Variants in NPM2 observed in about 807,000 individuals in gnomAD.
The protein encoded by NPM2 is nucleophosmin/nucleoplasmin 2.
NPM2 carries 25 observed loss-of-function variants against 32.0 expected under a neutral mutation model. The observed-to-expected ratio is 0.78, with a 90% CI of 0.57 to 1.09. NPM2 has a LOEUF of 1.09. NPM2 is among the 50% of genes least tolerant of loss of function. The pLI is 0.00. For synonymous variants in NPM2, 111 were observed against 94.2 expected (o/e 1.18, Z -1.04); for missense variants, 282 against 259.9 (o/e 1.08, Z -0.58).
At position 22,025,166 on chromosome 8, in the gene NPM2, C is replaced by A. The variant is rs536958041; in HGVS notation, c.-33-50C>A. ...CTGCTGGTCTCTGGCATCCTCCAGT[C>A]GAGGGTCAGGGTCAGGGAGCAAGGC... On this transcript the variant is annotated intron_variant, in intron 2 of 9. Transcript: ENST00000518119. 2.7e-6 allele frequency: 4 copies of A among 1,475,568 alleles called. No homozygotes were observed. The South Asian group carries it at 5.0e-5, about 18-fold the overall frequency. The allele number at this position is 1,475,568 out of a possible 1,614,324, so 91.4% of individuals were successfully genotyped here.
chr8:22,025,769 C>G lies in NPM2; in HGVS notation c.267C>G (p.Pro89=), dbSNP rs1421542613. Residue 89 remains proline (P), a synonymous_variant, in exon 5 of 10, where the codon CCC becomes CCG. Coordinates refer to ENST00000518119, the MANE Select transcript of NPM2 (RefSeq NM_001286680.2). ...TIASLQASVL[P]MVSMVGVQLS... ...CCTCACTCCAGGCCTCAGTCCTCCC[C>G]ATGGTGCGCATTTCCCTGCTGGCTG... is the stretch of plus-strand genomic sequence containing the variant. The G allele has an allele frequency of 3.1e-5, 50 of 1,614,036 alleles. No individual in the cohort carries two copies. The highest frequency in any genetic ancestry group is 4.1e-5 in the Non-Finnish European group (48 of 1,180,002).
Position 22,025,504 on chromosome 8 carries a change from A to T in NPM2, c.127A>T (p.Arg43Trp). The change falls in exon 4 of 10, where the codon AGG (arginine) becomes TGG (tryptophan). Residue 43 changes from arginine (R) to tryptophan (W), a missense_variant. Arg to Trp is a moderately radical substitution (Grantham distance 101, BLOSUM62 -3). Transcript: ENST00000518119. ...CCAGCTGGAGGGGAAGCAGAGCTGC[A>T]GGCTGTTGCTTCATACGGTAGGTGT... ...RPQLEGKQSC[R>W]LLLHTICLGE... 6.2e-7 allele frequency: 1 copy of T among 1,614,140 alleles called. No individual in the cohort carries two copies. Among genetic ancestry groups the T allele is most frequent in the Non-Finnish European group, 8.5e-7 (1 of 1,179,998 alleles).
chr8:22,030,872 T>C (rs1418698436), intron 5 of NPM2, among the ~76,000 whole-genome samples: 1 of 152,148 alleles, frequency 6.6e-6, no homozygotes, highest in Non-Finnish European at 1.5e-5. Flanking sequence ...TAGATCAGTG[T>C]TCTAAGTTCT....
At chr8:22,031,766 A>T (rs1225239538) in intron 5 of NPM2, among the ~76,000 whole-genome samples, 1 of 152,216 alleles carries the variant, frequency 6.6e-6, no homozygotes, top group Non-Finnish European at 1.5e-5. Flanking sequence ...TGAGTTTTGA[A>T]GCAAAAAGTC....
chr8:22,025,559 G>A (rs1189628293), intron 4 of NPM2, 38 bp downstream of exon 4: 1 of 1,613,428 alleles, frequency 6.2e-7, no homozygotes, highest in Non-Finnish European at 8.5e-7. Context: ...GATGGTGTCC[G>A]GGAACTTTCT....
intron 5 of NPM2, among the ~76,000 whole-genome samples, chr8:22,031,961 C>T (rs1021754171): frequency 1.3e-5 from 2 of 152,220 alleles, no homozygotes; most frequent in African/African-American, 2.4e-5. Flanking sequence ...GAATTACATC[C>T]TCTCTGGCAT....
rs1800490672 is a variant in NPM2 at position 22,033,034 on chromosome 8, G to C, written c.271-96G>C. On this transcript the variant is annotated intron_variant, in intron 5 of 9. Transcript: ENST00000518119. ...AGGGGCTGAGTAGTGTGTAGGGTTT[G>C]GGGAGGGAAATCAACTCAGTATTTC... 3 of 873,856 alleles carry C rather than the reference G, an allele frequency of 3.4e-6. No individual in the cohort carries two copies. The East Asian group carries it at 7.4e-5, about 22-fold the overall frequency. 54.1% of individuals were successfully genotyped at this position (873,856 alleles called of 1,614,324 possible).
rs1160515898 is a variant in NPM2 at position 22,024,277 on chromosome 8, T to G, written c.-487T>G. On this transcript the variant is annotated 5_prime_UTR_variant, in exon 1 of 10. Coordinates refer to ENST00000518119, the MANE Select transcript of NPM2 (RefSeq NM_001286680.2). ...CTCACGGTAGGCTGGAAGAACGGGC[T>G]GTCTGGGCCTTAGGAAAGGCCCATG... The G allele has an allele frequency of 1.3e-5, 2 of 152,340 alleles. No individual in the cohort carries two copies. The highest frequency in any genetic ancestry group is 1.3e-4 in the Admixed American group (2 of 15,280). The allele number at this position is 152,340 out of a possible 1,614,324, so 9.4% of individuals were successfully genotyped here.
intron 5 of NPM2, among the ~76,000 whole-genome samples, chr8:22,030,417 T>G (rs556516476): frequency 6.6e-6 from 1 of 152,118 alleles, no homozygotes; most frequent in South Asian, 2.1e-4. Flanking sequence ...TTTATTATTT[T>G]TTTGTAGAGC....
rs1800172938 is a variant in NPM2 at position 22,024,751 on chromosome 8, C to T, written c.-113C>T. 1 of 153,730 alleles carries T rather than the reference C, an allele frequency of 6.5e-6. No homozygotes were observed. Among genetic ancestry groups the T allele is most frequent in the African/African-American group, 2.4e-5 (1 of 41,526 alleles). The allele number at this position is 153,730 out of a possible 1,614,324, so 9.5% of individuals were successfully genotyped here. A position where few individuals can be genotyped will look rare whatever the true frequency, so the allele number is the denominator to read the frequency against. On this transcript the variant is annotated 5_prime_UTR_variant, in exon 2 of 10. Transcript: ENST00000518119. ...TTCTTAGCCCGGGCTTGGACAGCCGCCTTCCGGCCAGAGGGGATGAGGTTG... is the reference window on the plus strand; with the variant it reads ...TTCTTAGCCCGGGCTTGGACAGCCGTCTTCCGGCCAGAGGGGATGAGGTTG...
intron 8 of NPM2, among the ~76,000 whole-genome samples, chr8:22,035,401 G>C (rs1375756801): frequency 6.6e-6 from 1 of 152,056 alleles, no homozygotes; most frequent in Non-Finnish European, 1.5e-5. Flanking sequence ...AGCTTTCCAA[G>C]TAGCTAGGAC....
chr8:22,030,462 ATTTCTGACTTC>A (rs960177682), intron 5 of NPM2, among the ~76,000 whole-genome samples: 1 of 151,826 alleles, frequency 6.6e-6, no homozygotes, highest in Non-Finnish European at 1.5e-5. Flanking sequence ...CTGGTTTCTA[ATTTCTGACTTC>A]AAGCACTCCT....
At position 22,025,536 on chromosome 8, in the gene NPM2, AAG is replaced by A. The variant is rs760253592; in HGVS notation, c.144+18_144+19del. The A allele has an allele frequency of 7.4e-5, 119 of 1,613,902 alleles. No homozygotes were observed. Among genetic ancestry groups the A allele is most frequent in the Non-Finnish European group, 9.5e-5 (112 of 1,179,856 alleles). Reference sequence around the variant, plus strand: ...TGCTTCATACGGTAGGTGTTCCCAAAAGAGGGGAGGAAGATGGTGTCCGGGAA... The same window carrying A: ...TGCTTCATACGGTAGGTGTTCCCAAAAGGGGAGGAAGATGGTGTCCGGGAA... On this transcript the variant is annotated intron_variant, in intron 4 of 9. Coordinates refer to ENST00000518119, the MANE Select transcript of NPM2 (RefSeq NM_001286680.2).
At position 22,025,235 on chromosome 8, in the gene NPM2, C is replaced by T. The variant is rs1263802369; in HGVS notation, c.-14C>T. On this transcript the variant is annotated 5_prime_UTR_variant, in exon 3 of 10. Transcript: ENST00000518119. Reference sequence around the variant, plus strand: ...TTGCAGCTGCCCGGCCAGCCCGCTTCTCTGCCCGGAGCCATGAATCTCAGT... The same window carrying T: ...TTGCAGCTGCCCGGCCAGCCCGCTTTTCTGCCCGGAGCCATGAATCTCAGT... 9 of 1,610,360 alleles carry T rather than the reference C, an allele frequency of 5.6e-6. No individual in the cohort carries two copies. Among genetic ancestry groups the T allele is most frequent in the Non-Finnish European group, 7.6e-6 (9 of 1,178,994 alleles).
At chr8:22,034,666 C>T (rs1038418354) in intron 8 of NPM2, 122 bp downstream of exon 8, 7 of 772,154 alleles carry the variant, frequency 9.1e-6, no homozygotes, top group East Asian at 2.5e-5. Context: ...TACCTGCACT[C>T]GCAGGCACAT....
At position 22,034,271 on chromosome 8, in the gene NPM2, C is replaced by T. The variant is rs1800544467; in HGVS notation, c.527C>T (p.Ala176Val). 6.3e-7 allele frequency: 1 copy of T among 1,588,858 alleles called. No homozygotes were observed. The highest frequency in any genetic ancestry group is 2.2e-5 in the East Asian group (1 of 44,660). ...RLVPQKQASV[A>V]KKKKLEKEEE... ...GTGCCCCAGAAGCAGGCGAGCGTGG[C>T]TAAGGTGGGGGAAGGAGCGTGGCTG... The change falls in exon 7 of 10, where the codon GCT becomes GTT. Residue 176 changes from alanine (A) to valine (V), a missense_variant. Ala to Val is a moderately conservative substitution (Grantham distance 64). Transcript: ENST00000518119.
At chr8:22,031,516 G>A (rs1457767808) in intron 5 of NPM2, among the ~76,000 whole-genome samples, 1 of 152,218 alleles carries the variant, frequency 6.6e-6, no homozygotes, top group African/African-American at 2.4e-5. Flanking sequence ...CGCAATCTCG[G>A]CTCACTGCAG....
At position 22,034,210 on chromosome 8, in the gene NPM2, G is replaced by C. The variant is rs1475754484; in HGVS notation, c.466G>C (p.Glu156Gln). 2 of 1,612,300 alleles carry C rather than the reference G, an allele frequency of 1.2e-6. No homozygotes were observed. The highest frequency in any genetic ancestry group is 1.7e-6 in the Non-Finnish European group (2 of 1,179,302). ...DEDEDADISL[E>Q]EQSPVKQVKR... Reference sequence around the variant, plus strand: ...GGATGAGGATGCAGATATATCTCTGGAGGAGCAAAGCCCTGTCAAACAAGT... The same window carrying C: ...GGATGAGGATGCAGATATATCTCTGCAGGAGCAAAGCCCTGTCAAACAAGT... The change falls in exon 7 of 10, where the codon GAG (glutamate) becomes CAG (glutamine). Residue 156 changes from glutamate (E) to glutamine (Q), a missense_variant. Physicochemically the swap from Glu to Gln is conservative, Grantham distance 29. Coordinates refer to ENST00000518119, the MANE Select transcript of NPM2 (RefSeq NM_001286680.2).
intron 7 of NPM2, 75 bp downstream of exon 7, chr8:22,034,350 G>C: frequency 5.4e-6 from 8 of 1,468,956 alleles, no homozygotes; most frequent in Non-Finnish European, 7.4e-6. Flanking sequence ...GGGCCACCGG[G>C]AGCCTGGGCC....
Sources: gnomAD v4.1 joint callset for allele counts (sites outside exome capture counted in the v4.1 genomes callset) on GRCh38, gnomAD v4.1.1 for gene constraint, MANE v1.5 for transcripts, NCBI Gene and HGNC (gene_info 2026-07-23, HGNC 2026-07-21) for gene names.